Variants in DSCAM observed in about 807,000 individuals in gnomAD.
The protein encoded by DSCAM is DS cell adhesion molecule.
A neutral mutation model predicts 217.7 loss-of-function variants in DSCAM; 47 were observed. That is an observed-to-expected ratio of 0.22 (90% CI 0.17 to 0.28). The LOEUF is 0.28. DSCAM is among the 10% of genes least tolerant of loss of function. The probability of loss-of-function intolerance (pLI) is 1.00; values close to 1 mark genes in which losing one functional copy is unlikely to be tolerated. For missense variants in DSCAM, 2,080 were observed against 2,618.3 expected, an observed-to-expected ratio of 0.79 and a Z score of 4.49; for synonymous variants, 1,056 against 1,015.3, an observed-to-expected ratio of 1.04 and a Z score of -0.76.
intron 9 of DSCAM, among the ~76,000 whole-genome samples, chr21:40,301,273 G>A (rs66765790): frequency 1.3e-5 from 2 of 152,130 alleles, no homozygotes; most frequent in South Asian, 2.1e-4. Context: ...TAAAAGCATC[G>A]CATATTCCCA....
At chr21:40,459,919 T>G (rs1309575677) in intron 3 of DSCAM, among the ~76,000 whole-genome samples, 1 of 152,156 alleles carries the variant, frequency 6.6e-6, no homozygotes, top group African/African-American at 2.4e-5. Flanking sequence ...AAACTAAAAT[T>G]GCATTCCTAT....
chr21:40,293,362 G>C (rs1429470323), intron 10 of DSCAM, among the ~76,000 whole-genome samples: 1 of 152,054 alleles, frequency 6.6e-6, no homozygotes, highest in African/African-American at 2.4e-5. Flanking sequence ...TAGCTTGGTG[G>C]CCATCGTTTG....
At chr21:40,523,517 G>C (rs2076376287) in intron 3 of DSCAM, among the ~76,000 whole-genome samples, 1 of 151,892 alleles carries the variant, frequency 6.6e-6, no homozygotes, top group Non-Finnish European at 1.5e-5. Context: ...GAGGCAGAGG[G>C]AGGAGAGCCC....
At chr21:40,181,049 G>A (rs1223737585) in intron 14 of DSCAM, among the ~76,000 whole-genome samples, 1 of 151,950 alleles carries the variant, frequency 6.6e-6, no homozygotes, top group Non-Finnish European at 1.5e-5. Context: ...CCCTCCAATG[G>A]GCTGGGGGAC....
intron 2 of DSCAM, among the ~76,000 whole-genome samples, chr21:40,699,473 T>A (rs1452465638): frequency 2.0e-5 from 3 of 152,238 alleles, no homozygotes; most frequent in Non-Finnish European, 2.9e-5. Context: ...TATCAAAAGC[T>A]AAGACAGGCT....
chr21:40,663,777 G>C (rs982725859), intron 3 of DSCAM, among the ~76,000 whole-genome samples: 1 of 152,338 alleles, frequency 6.6e-6, no homozygotes. Flanking sequence ...GCAAGAGTGA[G>C]AGGTGCTCCT....
chr21:40,721,978 C>A (rs563708793), intron 1 of DSCAM, among the ~76,000 whole-genome samples: 2 of 151,940 alleles, frequency 1.3e-5, no homozygotes, highest in Non-Finnish European at 2.9e-5. Context: ...GCAGACTTCT[C>A]ATCAGAAACA....
intron 3 of DSCAM, among the ~76,000 whole-genome samples, chr21:40,528,718 T>A (rs570100378): frequency 6.6e-6 from 1 of 152,186 alleles, no homozygotes; most frequent in South Asian, 2.1e-4. Context: ...AGGTACTCCA[T>A]CTGTCCTTTG....
At chr21:40,812,241 A>G (rs542752131) in intron 1 of DSCAM, among the ~76,000 whole-genome samples, 191 of 152,320 alleles carry the variant, frequency 1.3e-3, no homozygotes, top group Admixed American at 2.7e-3. Context: ...GACCTCATAA[A>G]CTGCCACATC....
intron 3 of DSCAM, among the ~76,000 whole-genome samples, chr21:40,430,028 A>AG (rs2075515525): frequency 6.6e-6 from 1 of 152,132 alleles, no homozygotes; most frequent in Admixed American, 6.6e-5. Context: ...ACAAAAAATA[A>AG]TTTTTCCTAA....
Position 40,324,595 on chromosome 21 carries a change from G to A in DSCAM, c.1784-12236C>T, listed in dbSNP as rs1234873159. Among the ~76,000 whole-genome samples the A allele has an allele frequency of 2.6e-5, 4 of 152,176 alleles. No individual in the cohort carries two copies. In the East Asian group the frequency reaches 7.7e-4, roughly 29 times the overall value. On this transcript the variant is annotated intron_variant, in intron 8 of 32. Transcript: ENST00000400454. ...GCCATAATCATATTATGTTGAAATA[G>A]TTTCTTTAAAAGATTAAAACGACCA...
At chr21:40,459,946 AAAC>A (rs1325676920) in intron 3 of DSCAM, among the ~76,000 whole-genome samples, 11 of 152,198 alleles carry the variant, frequency 7.2e-5, no homozygotes, top group African/African-American at 2.7e-4. Flanking sequence ...CATCAAATAA[AAAC>A]AAGTTCCACG....
intron 8 of DSCAM, among the ~76,000 whole-genome samples, chr21:40,330,881 C>G (rs769886827): frequency 6.6e-6 from 1 of 152,076 alleles, no homozygotes; most frequent in South Asian, 2.1e-4. Flanking sequence ...ACATTTAATA[C>G]GTTACCATTC....
At chr21:40,167,927 G>A (rs1191217571) in intron 15 of DSCAM, among the ~76,000 whole-genome samples, 1 of 152,148 alleles carries the variant, frequency 6.6e-6, no homozygotes, top group African/African-American at 2.4e-5. Context: ...AGCTGGGTGT[G>A]GTGGCATGCA....
intron 3 of DSCAM, among the ~76,000 whole-genome samples, chr21:40,677,982 A>G (rs960106764): frequency 1.4e-4 from 16 of 112,886 alleles, no homozygotes; most frequent in Admixed American, 1.2e-3. Context: ...ATATTTATAT[A>G]TAATACTTTT....
chr21:40,735,400 T>A (rs2146532872), intron 1 of DSCAM, among the ~76,000 whole-genome samples: 1 of 152,362 alleles, frequency 6.6e-6, no homozygotes, highest in South Asian at 2.1e-4. Context: ...TAAAACACAC[T>A]TGCTTTCATC....
intron 19 of DSCAM, among the ~76,000 whole-genome samples, chr21:40,127,519 AAGAATGTGGCCTTCAG>A (rs1182079927): frequency 6.6e-6 from 1 of 152,204 alleles, no homozygotes; most frequent in Admixed American, 6.5e-5. Flanking sequence ...GATTGCAGTA[AAGAATGTGGCCTTCAG>A]AGAATCCTCT....
intron 14 of DSCAM, among the ~76,000 whole-genome samples, chr21:40,181,252 C>T (rs1002994934): frequency 3.3e-5 from 5 of 152,234 alleles, no homozygotes; most frequent in East Asian, 3.9e-4. Context: ...GTTTCCTCCT[C>T]CCATCAGGTC....
At chr21:40,737,780 C>T (rs969953195) in intron 1 of DSCAM, among the ~76,000 whole-genome samples, 3 of 152,156 alleles carry the variant, frequency 2.0e-5, no homozygotes, top group Admixed American at 1.3e-4. Context: ...CTTTCCAGAG[C>T]CTGGCCACAT....
Sources: allele counts gnomAD v4.1 joint callset (sites outside exome capture counted in the v4.1 genomes callset), GRCh38; gene constraint gnomAD v4.1.1; transcripts MANE v1.5; gene names NCBI Gene and HGNC (gene_info 2026-07-23, HGNC 2026-07-21).